TOR2A: variants seen among roughly 807,000 people sequenced by gnomAD.
TOR2A encodes torsin family 2 member A, also known as prosalusin.
TOR2A carries 24 observed loss-of-function variants against 28.6 expected under a neutral mutation model. The observed-to-expected ratio is 0.84, with a 90% confidence interval of 0.61 to 1.18. The LOEUF is 1.18. Among genes scored for constraint, TOR2A ranks in the 50% most tolerant of loss-of-function variants. The pLI is 0.00. For missense variants in TOR2A, 426 were observed against 448.1 expected (o/e 0.95, Z 0.45); for synonymous variants, 203 against 203.1 (o/e 1.00, Z 0.00).
At chr9:127,734,015 CAT>C in intron 2 of TOR2A, 1 of 438,320 alleles carries the variant, frequency 2.3e-6, no homozygotes, top group Non-Finnish European at 4.0e-6. Flanking sequence ...ATCTGACAAA[CAT>C]AGGTGCTCCA....
In TOR2A at chr9:127,734,602, G is replaced by C. The variant is rs749074230; in HGVS notation, c.152-38C>G. ...GAGGATGGTGAGGACACATCCCACCGAGGCAGAGGTTCAAGGAGAACATCA... is the reference window on the plus strand; with the variant it reads ...GAGGATGGTGAGGACACATCCCACCCAGGCAGAGGTTCAAGGAGAACATCA... On this transcript the variant is annotated intron_variant, in intron 1 of 4. Coordinates refer to ENST00000373284, the MANE Select transcript of TOR2A (RefSeq NM_001085347.3). The C allele has an allele frequency of 3.2e-5, 47 of 1,463,710 alleles. 1 individual carries two copies. In the Middle Eastern group the frequency reaches 1.0e-3, roughly 33 times the overall value. 90.7% of individuals were successfully genotyped at this position (1,463,710 alleles called of 1,614,324 possible). A position where few individuals can be genotyped will look rare whatever the true frequency, so the allele number is the denominator to read the frequency against.
intron 2 of TOR2A, 86 bp from the exon 3 acceptor site, chr9:127,733,646 T>C: frequency 8.1e-7 from 1 of 1,230,022 alleles, no homozygotes; most frequent in South Asian, 1.5e-5. Context: ...TAATCTCCTT[T>C]CTAGGGAAGG....
Position 127,732,179 on chromosome 9 carries a change from T to C in TOR2A, c.821A>G (p.Asn274Ser). ...CTCCAGGCCCAGCTGGGCCAGCTCGTTGAGCACGCAGTGCCGGACGTGGTG... is the reference window on the plus strand; with the variant it reads ...CTCCAGGCCCAGCTGGGCCAGCTCGCTGAGCACGCAGTGCCGGACGTGGTG... ...QRHHVRHCVL[N>S]ELAQLGLEPR... Residue 274 changes from asparagine (N) to serine (S), a missense_variant, in exon 5 of 5, where the codon AAC becomes AGC. Transcript: ENST00000373284. 2 of 1,613,346 alleles carry C rather than the reference T, an allele frequency of 1.2e-6. No individual in the cohort carries two copies. Among genetic ancestry groups the C allele is most frequent in the Admixed American group, 1.7e-5 (1 of 60,018 alleles).
chr9:127,731,746 C>G lies in TOR2A; in HGVS notation c.*288G>C, dbSNP rs946846660. On this transcript the variant is annotated 3_prime_UTR_variant, in exon 5 of 5. Transcript: ENST00000373284. The stretch of plus-strand genomic sequence containing the variant: ...GCAGACTGAGGAGGGAGCACCGCCA[C>G]GAGCCACAGTCCCTGAGTTATAATT... 202 of 668,982 alleles carry G rather than the reference C, an allele frequency of 3.0e-4. No individual in the cohort carries two copies. In the African/African-American group the frequency reaches 3.5e-3, roughly 12 times the overall value. The allele number at this position is 668,982 out of a possible 1,614,324, so 41.4% of individuals were successfully genotyped here. A position where few individuals can be genotyped will look rare whatever the true frequency, so the allele number is the denominator to read the frequency against.
At chr9:127,734,044 T>G in intron 2 of TOR2A, 1 of 453,626 alleles carries the variant, frequency 2.2e-6, no homozygotes, top group Non-Finnish European at 3.9e-6. Context: ...ATATCTGCAA[T>G]GGTATAATCT....
Position 127,734,466 on chromosome 9 carries a change from T to C in TOR2A, c.250A>G (p.Thr84Ala), listed in dbSNP as rs750331549. The C allele has an allele frequency of 2.5e-6, 4 of 1,606,982 alleles. No individual in the cohort carries two copies. In the Admixed American group the frequency reaches 6.7e-5, roughly 27 times the overall value. Residue 84 changes from threonine (T) to alanine (A), a missense_variant, in exon 2 of 5, where the codon ACC becomes GCC. Thr to Ala is a moderately conservative substitution (Grantham distance 58). Transcript: ENST00000373284. ...LKAFVRDPAP[T>A]KPLVLSLHGW... is the part of the protein sequence containing the mutation. ...TGCAGGGAGAGGACCAGCGGCTTGG[T>C]GGGGGCTGGGTCCCGCACAAAGGCC...
In TOR2A at chr9:127,731,653, T is replaced by A. The variant is rs1018484048; in HGVS notation, c.*381A>T. 1 of 932,228 alleles carries A rather than the reference T, an allele frequency of 1.1e-6. No individual in the cohort carries two copies. The highest frequency in any genetic ancestry group is 1.5e-6 in the Non-Finnish European group (1 of 655,920). 57.7% of individuals were successfully genotyped at this position (932,228 alleles called of 1,614,324 possible). On this transcript the variant is annotated 3_prime_UTR_variant, in exon 5 of 5. Transcript: ENST00000373284. ...TGAGAAGGCTCCACCTGGCTTGATA[T>A]GGACACAGGGTGTGGGGTGGAGGGG... is the stretch of plus-strand genomic sequence containing the variant.
intron 3 of TOR2A, chr9:127,733,015 C>T (rs954809685): frequency 2.3e-5 from 32 of 1,387,982 alleles, no homozygotes; most frequent in Admixed American, 2.9e-5. Flanking sequence ...CTCAGAGAGG[C>T]GGAGCCATGC....
At chr9:127,733,888 G>T in intron 2 of TOR2A, 1 of 428,706 alleles carries the variant, frequency 2.3e-6, no homozygotes, top group Non-Finnish European at 4.2e-6. Flanking sequence ...GGCTGAAACT[G>T]ATCAGCCTGG....
At chr9:127,733,004 G>T (rs777288645) in intron 3 of TOR2A, 136 of 1,380,090 alleles carry the variant, frequency 9.9e-5, no homozygotes, top group Non-Finnish European at 1.2e-4. Flanking sequence ...AGAGACAGAG[G>T]CTCAGAGAGG....
intron 2 of TOR2A, 44 bp downstream of exon 2, chr9:127,734,255 G>T: frequency 1.3e-6 from 2 of 1,526,156 alleles, no homozygotes; most frequent in South Asian, 2.6e-5. Flanking sequence ...CCCTAGGGTG[G>T]CACCCCATGG....
chr9:127,735,085 G>A, intron 1 of TOR2A, 35 bp downstream of exon 1: 2 of 1,411,164 alleles, frequency 1.4e-6, no homozygotes, highest in South Asian at 1.5e-5. Context: ...GCCCGCGTCC[G>A]CCCGCCCCTC....
chr9:127,734,855 T>C, intron 1 of TOR2A: 1 of 540,680 alleles, frequency 1.8e-6, no homozygotes, highest in East Asian at 3.5e-5. Context: ...ACTGCACTTC[T>C]CCTTTGACGG....
chr9:127,734,711 T>A, intron 1 of TOR2A, 147 bp from the exon 2 acceptor site: 1 of 1,049,160 alleles, frequency 9.5e-7, no homozygotes. Flanking sequence ...TTGGGGTCTG[T>A]GGCGGAAAAG....
intron 1 of TOR2A, 138 bp downstream of exon 1, chr9:127,734,982 T>C: frequency 7.9e-7 from 1 of 1,261,058 alleles, no homozygotes; most frequent in African/African-American, 1.6e-5. Flanking sequence ...CTCCCAAGTC[T>C]GCGGGCCCCG....
chr9:127,732,702 G>T lies in TOR2A; in HGVS notation c.594-11C>A. ...TTGCCACCCGTGTTGCTAAAACCAT[G>T]GGGGACCCAGGCTGAGACTCAGATG... On this transcript the variant is annotated splice_polypyrimidine_tract_variant and intron_variant, in intron 3 of 4. Coordinates refer to ENST00000373284, the MANE Select transcript of TOR2A (RefSeq NM_001085347.3). 1 of 1,558,010 alleles carries T rather than the reference G, an allele frequency of 6.4e-7. No homozygotes were observed. Among genetic ancestry groups the T allele is most frequent in the South Asian group, 1.2e-5 (1 of 84,474 alleles).
At chr9:127,732,399 G>A in intron 4 of TOR2A, 121 bp from the exon 5 acceptor site, 1 of 1,457,494 alleles carries the variant, frequency 6.9e-7, no homozygotes, top group Non-Finnish European at 9.0e-7. Context: ...CCTTCTGGGT[G>A]TAGGACTCAG....
chr9:127,731,572 A>C lies in TOR2A; in HGVS notation c.*462T>G. On this transcript the variant is annotated 3_prime_UTR_variant, in exon 5 of 5. Coordinates refer to ENST00000373284, the MANE Select transcript of TOR2A (RefSeq NM_001085347.3). ...TATACTTGTTTTCTTTTACAAAATT[A>C]AAAACATCTAAAACCAGGCCCAAGT... is the stretch of plus-strand genomic sequence containing the variant. 7.2e-7 allele frequency: 1 copy of C among 1,394,718 alleles called. No individual in the cohort carries two copies. Among genetic ancestry groups the C allele is most frequent in the Non-Finnish European group, 9.4e-7 (1 of 1,067,800 alleles). 86.4% of individuals were successfully genotyped at this position (1,394,718 alleles called of 1,614,324 possible).
chr9:127,731,835 G>A lies in TOR2A; in HGVS notation c.*199C>T. 1 of 1,145,972 alleles carries A rather than the reference G, an allele frequency of 8.7e-7. No individual in the cohort carries two copies. The highest frequency in any genetic ancestry group is 1.2e-6 in the Non-Finnish European group (1 of 834,884). 71.0% of individuals were successfully genotyped at this position (1,145,972 alleles called of 1,614,324 possible). A position where few individuals can be genotyped will look rare whatever the true frequency, so the allele number is the denominator to read the frequency against. ...CTCAGTGAGGTTCTGGGGTGACCAG[G>A]GGTTTCCCTGGGGAAGGTGGCCGGG... On this transcript the variant is annotated 3_prime_UTR_variant, in exon 5 of 5. Transcript: ENST00000373284.
Sources: gnomAD v4.1 joint callset for allele counts on GRCh38, gnomAD v4.1.1 for gene constraint, MANE v1.5 for transcripts, NCBI Gene and HGNC (gene_info 2026-07-23, HGNC 2026-07-21) for gene names.